KLHL4: variants seen among roughly 807,000 people sequenced by gnomAD.
KLHL4 encodes the protein kelch like family member 4.
A neutral mutation model predicts 45.8 loss-of-function variants in KLHL4; 17 were observed. That is an observed-to-expected ratio of 0.37 (90% CI 0.25 to 0.56). The LOEUF (loss-of-function observed/expected upper bound fraction) is 0.56. Ranked by LOEUF, KLHL4 falls within the 20% of genes least tolerant of loss-of-function variation. The pLI is 0.79. For missense variants in KLHL4, 544 were observed against 544.9 expected (o/e 1.00, Z 0.02); for synonymous variants, 224 against 189.9 (o/e 1.18, Z -1.47).
At chrX:87,550,738 G>T (rs1308744156) in intron 1 of KLHL4, among the ~76,000 whole-genome samples, 4 of 111,403 alleles carry the variant, frequency 3.6e-5, no homozygotes, top group Non-Finnish European at 7.6e-5. Flanking sequence ...CACATAAAAA[G>T]AATTAAAAAC....
intron 1 of KLHL4, among the ~76,000 whole-genome samples, chrX:87,571,980 G>T (rs975922936): frequency 1.2e-4 from 13 of 110,769 alleles, no homozygotes; most frequent in African/African-American, 3.6e-4. Context: ...CTGCTATTTG[G>T]CTTGAGGGGG....
At chrX:87,557,822 G>T (rs1418102538) in intron 1 of KLHL4, among the ~76,000 whole-genome samples, 2 of 111,549 alleles carry the variant, frequency 1.8e-5, no homozygotes, top group Admixed American at 1.9e-4. Context: ...ATTAGGAAGG[G>T]ATCACAGTCC....
At chrX:87,585,924 T>A (rs1293002436) in intron 1 of KLHL4, among the ~76,000 whole-genome samples, 5 of 110,692 alleles carry the variant, frequency 4.5e-5, no homozygotes, top group Non-Finnish European at 7.6e-5. Context: ...AATAAAGAGA[T>A]GGAAAAATAT....
chrX:87,642,415 C>T (rs1923493819), intron 9 of KLHL4, among the ~76,000 whole-genome samples: 1 of 111,859 alleles, frequency 8.9e-6, no homozygotes, highest in South Asian at 3.7e-4. Context: ...CCAGACCTTC[C>T]CTCTGACAGA....
At chrX:87,588,395 A>G (rs756073387) in intron 1 of KLHL4, among the ~76,000 whole-genome samples, 6 of 112,130 alleles carry the variant, frequency 5.4e-5, no homozygotes, top group African/African-American at 6.5e-5. Flanking sequence ...ACTTCAAATT[A>G]TACTGCAAAG....
intron 1 of KLHL4, among the ~76,000 whole-genome samples, chrX:87,553,328 A>G (rs542631919): frequency 6.2e-4 from 69 of 111,028 alleles, no homozygotes; most frequent in Admixed American, 4.7e-3. Context: ...AAATGTTATC[A>G]ATCAATAATT....
At chrX:87,600,014 A>C (rs1921956884) in intron 1 of KLHL4, among the ~76,000 whole-genome samples, 1 of 111,806 alleles carries the variant, frequency 8.9e-6, no homozygotes, top group African/African-American at 3.3e-5. Flanking sequence ...TACAGAAGTG[A>C]TATAGTTTGG....
chrX:87,590,714 G>T (rs1042587152), intron 1 of KLHL4, among the ~76,000 whole-genome samples: 1 of 111,682 alleles, frequency 9.0e-6, no homozygotes, highest in African/African-American at 3.2e-5. Flanking sequence ...ATTTCGATGA[G>T]GGTGCCAAGA....
chrX:87,586,115 C>T (rs1414673217), intron 1 of KLHL4, among the ~76,000 whole-genome samples: 1 of 111,297 alleles, frequency 9.0e-6, no homozygotes, highest in African/African-American at 3.3e-5. Flanking sequence ...CTGGAGCACA[C>T]AGATACATAA....
rs1426488264 is a variant in KLHL4, at chrX:87,669,629, A to G, written c.*3095A>G. 3.2e-6 allele frequency: 1 copy of G among 311,861 alleles called. No homozygotes were observed. The highest frequency in any genetic ancestry group is 5.5e-6 in the Non-Finnish European group (1 of 181,910). The allele number at this position is 311,861 out of a possible 1,213,427, so 25.7% of individuals were successfully genotyped here. ...AAAAAAAAAAGGTCATGAAACACAA[A>G]TGTCCTCAACTGTCATCATTCTATG... On this transcript the variant is annotated 3_prime_UTR_variant, in exon 11 of 11. Transcript: ENST00000373119.
At chrX:87,553,603 G>A (rs16980873) in intron 1 of KLHL4, among the ~76,000 whole-genome samples, 2,522 of 107,252 alleles carry the variant, frequency 0.024, 73 homozygotes, top group African/African-American at 0.08. Flanking sequence ...TCTCTACAGC[G>A]GTTAAAAAGT....
intron 1 of KLHL4, among the ~76,000 whole-genome samples, chrX:87,524,708 T>C (rs1217102220): frequency 8.9e-6 from 1 of 111,894 alleles, no homozygotes; most frequent in East Asian, 2.8e-4. Context: ...ACTGAGGAAA[T>C]TGAACAAAAA....
intron 1 of KLHL4, among the ~76,000 whole-genome samples, chrX:87,609,671 A>T (rs1392446220): frequency 1.8e-5 from 2 of 111,545 alleles, no homozygotes; most frequent in Admixed American, 9.6e-5. Context: ...GCCCTTTGTC[A>T]GATGAGTAGA....
chrX:87,578,853 C>A (rs781080298), intron 1 of KLHL4, among the ~76,000 whole-genome samples: 1 of 111,851 alleles, frequency 8.9e-6, no homozygotes, highest in Non-Finnish European at 1.9e-5. Context: ...GGGTAGTTGG[C>A]TTACAATGTA....
chrX:87,662,488 T>A (rs756533672), intron 9 of KLHL4, among the ~76,000 whole-genome samples: 1 of 111,040 alleles, frequency 9.0e-6, no homozygotes, highest in East Asian at 2.8e-4. Context: ...TCTTTGGGAG[T>A]CAGTATTTCT....
At position 87,666,863 on chromosome X, in the gene KLHL4, G is replaced by A. The variant is rs865902105; in HGVS notation, c.*329G>A. On this transcript the variant is annotated 3_prime_UTR_variant, in exon 11 of 11. Coordinates refer to ENST00000373119, the MANE Select transcript of KLHL4 (RefSeq NM_019117.5). ...TGGCCACAGTGTGCAGGTTATAAAA[G>A]CATTAATACATTTCAAGGTAAGAGC... 9 of 751,788 alleles carry A rather than the reference G, an allele frequency of 1.2e-5. No homozygotes were observed. The highest frequency in any genetic ancestry group is 1.4e-5 in the Non-Finnish European group (9 of 630,924). 62.0% of individuals were successfully genotyped at this position (751,788 alleles called of 1,213,427 possible).
At chrX:87,568,721 A>G (rs1908087588) in intron 1 of KLHL4, among the ~76,000 whole-genome samples, 1 of 111,350 alleles carries the variant, frequency 9.0e-6, no homozygotes, top group East Asian at 2.8e-4. Flanking sequence ...GATTTTTGAC[A>G]AGTGTGCTAA....
intron 1 of KLHL4, among the ~76,000 whole-genome samples, chrX:87,580,535 T>C (rs967169312): frequency 9.0e-6 from 1 of 110,994 alleles, no homozygotes; most frequent in Non-Finnish European, 1.9e-5. Context: ...TGATATGCTA[T>C]ACAGATAAGA....
chrX:87,525,789 T>C (rs1931098986), intron 1 of KLHL4, among the ~76,000 whole-genome samples: 1 of 111,843 alleles, frequency 8.9e-6, no homozygotes, highest in Non-Finnish European at 1.9e-5. Context: ...ATATCAATGA[T>C]CATATTTATT....
Sources: allele counts gnomAD v4.1 joint callset (sites outside exome capture counted in the v4.1 genomes callset), GRCh38; gene constraint gnomAD v4.1.1; transcripts MANE v1.5; gene names NCBI Gene and HGNC (gene_info 2026-07-23, HGNC 2026-07-21).